Variants in PKHD1 observed in about 807,000 individuals in gnomAD.
The protein encoded by PKHD1 is PKHD1 ciliary IPT domain containing fibrocystin/polyductin, also known as fibrocystin.
In PKHD1, 291 loss-of-function variants were observed where a neutral mutation model predicts 412.0. The ratio of observed to expected loss-of-function variants is 0.71; its 90% CI spans 0.64 to 0.78. The LOEUF is 0.78. Ranked by LOEUF, PKHD1 falls within the 30% of genes least tolerant of loss-of-function variation. The pLI, the probability that PKHD1 is intolerant of heterozygous loss-of-function variation, is 0.00. For missense variants in PKHD1, 4,825 were observed against 4,950.7 expected (o/e 0.97, Z 0.76); for synonymous variants, 1,777 against 1,821.5 (o/e 0.98, Z 0.62).
intron 51 of PKHD1, among the ~76,000 whole-genome samples, chr6:51,831,784 G>A (rs13202413): frequency 0.6 from 91,220 of 152,012 alleles, 28,359 homozygotes; most frequent in Middle Eastern, 0.76. Flanking sequence ...GCCTTTGATC[G>A]TCAAACGGCA....
chr6:51,924,760 C>A (rs1047571455), intron 37 of PKHD1, among the ~76,000 whole-genome samples: 5 of 152,150 alleles, frequency 3.3e-5, no homozygotes, highest in African/African-American at 1.2e-4. Flanking sequence ...GAATGACAAC[C>A]AGGTTTCTAG....
At chr6:51,891,643 C>T (rs551591964) in intron 43 of PKHD1, among the ~76,000 whole-genome samples, 24 of 151,566 alleles carry the variant, frequency 1.6e-4, no homozygotes, top group Admixed American at 8.6e-4. Flanking sequence ...GATAATATAG[C>T]GGCACCCCCA....
intron 55 of PKHD1, among the ~76,000 whole-genome samples, chr6:51,758,014 A>AAGAGAGAGAGAGAGAGAGAGAGAG (rs10534219): frequency 8.0e-4 from 101 of 126,106 alleles, no homozygotes; most frequent in African/African-American, 2.3e-3. Flanking sequence ...ACCCTGCCAA[A>AAGAGAGAGAGAGAGAGAGAGAGAG]AGAGAGAGAG....
intron 60 of PKHD1, among the ~76,000 whole-genome samples, chr6:51,724,675 T>C (rs972290030): frequency 2.6e-5 from 4 of 152,172 alleles, no homozygotes; most frequent in Admixed American, 2.0e-4. Context: ...GTCCTAAACA[T>C]CAGTATCTAT....
intron 60 of PKHD1, among the ~76,000 whole-genome samples, chr6:51,697,513 T>C (rs1365923052): frequency 6.6e-6 from 1 of 152,228 alleles, no homozygotes; most frequent in Non-Finnish European, 1.5e-5. Context: ...TGGAAAATTG[T>C]ATGAGGCTGT....
intron 66 of PKHD1, among the ~76,000 whole-genome samples, chr6:51,624,299 T>C (rs1766982396): frequency 1.3e-5 from 2 of 152,214 alleles, no homozygotes; most frequent in African/African-American, 4.8e-5. Context: ...CTATATTTTA[T>C]CCATGTTTTA....
intron 60 of PKHD1, chr6:51,740,077 T>C: frequency 1.9e-6 from 1 of 514,392 alleles, no homozygotes. Context: ...AGAAATCCTT[T>C]CGAGAATAAA....
intron 52 of PKHD1, among the ~76,000 whole-genome samples, chr6:51,829,309 T>G (rs1767851951): frequency 8.5e-6 from 1 of 117,882 alleles, no homozygotes; most frequent in Non-Finnish European, 1.8e-5. Flanking sequence ...GGACACACAG[T>G]GGACACAGTC....
At chr6:51,675,055 T>C (rs1775613778) in intron 60 of PKHD1, among the ~76,000 whole-genome samples, 1 of 152,192 alleles carries the variant, frequency 6.6e-6, no homozygotes, top group Non-Finnish European at 1.5e-5. Flanking sequence ...TTATTCATTT[T>C]CCTAGGTCAC....
intron 60 of PKHD1, among the ~76,000 whole-genome samples, chr6:51,662,929 T>G (rs548816855): frequency 1.7e-4 from 26 of 152,184 alleles, no homozygotes; most frequent in African/African-American, 5.8e-4. Context: ...TAAATAAAAA[T>G]TTAATTATCA....
At chr6:51,796,274 A>C (rs1050290936) in intron 52 of PKHD1, among the ~76,000 whole-genome samples, 1 of 151,456 alleles carries the variant, frequency 6.6e-6, no homozygotes, top group African/African-American at 2.4e-5. Context: ...TTTCTCCCAA[A>C]TTTTCTACTT....
chr6:51,836,067 C>A (rs987438595), intron 51 of PKHD1, among the ~76,000 whole-genome samples: 10 of 152,222 alleles, frequency 6.6e-5, no homozygotes, highest in East Asian at 1.9e-4. Flanking sequence ...TTTAGAGATA[C>A]CCTGAATTTT....
intron 60 of PKHD1, among the ~76,000 whole-genome samples, chr6:51,673,735 T>C (rs957277304): frequency 1.4e-4 from 22 of 152,222 alleles, no homozygotes; most frequent in African/African-American, 4.6e-4. Flanking sequence ...GGGATATTAT[T>C]TAGGACATGG....
intron 27 of PKHD1, among the ~76,000 whole-genome samples, chr6:52,038,887 C>T (rs1237816545): frequency 6.6e-6 from 1 of 152,114 alleles, no homozygotes; most frequent in Non-Finnish European, 1.5e-5. Context: ...ATAAACTGGA[C>T]TTCAACAAAA....
rs1198137136 is a variant in PKHD1, at chr6:51,617,265, G to T, written c.*1816C>A. On this transcript the variant is annotated 3_prime_UTR_variant, in exon 67 of 67. Coordinates refer to ENST00000371117, the MANE Select transcript of PKHD1 (RefSeq NM_138694.4). ...GATCCAATGAGTATACTAAAGTAGA[G>T]ATTGCAAAGGCAAATGACTTCAAGA... The T allele has an allele frequency of 6.6e-6, 1 of 152,090 alleles. No individual in the cohort carries two copies. Among genetic ancestry groups the T allele is most frequent in the Non-Finnish European group, 1.5e-5 (1 of 68,018 alleles). The allele number at this position is 152,090 out of a possible 1,614,324, so 9.4% of individuals were successfully genotyped here.
At chr6:51,982,178 A>T (rs1279955411) in intron 35 of PKHD1, among the ~76,000 whole-genome samples, 4 of 42,938 alleles carry the variant, frequency 9.3e-5, no homozygotes, top group African/African-American at 2.3e-4. Context: ...CCCGTCCGGG[A>T]GGGAGGTGGG....
chr6:51,654,579 C>G (rs571771580), intron 61 of PKHD1, among the ~76,000 whole-genome samples: 1 of 151,882 alleles, frequency 6.6e-6, no homozygotes, highest in Admixed American at 6.6e-5. Context: ...TAGAACTTTT[C>G]TGGATGTGGA....
intron 55 of PKHD1, among the ~76,000 whole-genome samples, chr6:51,759,898 C>T (rs1000129830): frequency 6.6e-6 from 1 of 152,100 alleles, no homozygotes; most frequent in Non-Finnish European, 1.5e-5. Flanking sequence ...AAAGTTCAAA[C>T]TCCTTTTCAT....
intron 34 of PKHD1, among the ~76,000 whole-genome samples, chr6:52,012,214 G>A (rs976120560): frequency 2.0e-5 from 3 of 152,170 alleles, no homozygotes; most frequent in Admixed American, 2.0e-4. Context: ...CTATTTTGTG[G>A]AGGTGTTGAA....
Sources: allele counts gnomAD v4.1 joint callset (sites outside exome capture counted in the v4.1 genomes callset), GRCh38; gene constraint gnomAD v4.1.1; transcripts MANE v1.5; gene names NCBI Gene and HGNC (gene_info 2026-07-23, HGNC 2026-07-21).